The following TTC23L variants were observed in gnomAD, a reference collection of about 807,000 sequenced individuals.
The protein encoded by TTC23L is tetratricopeptide repeat domain 23 like, also known as tetratricopeptide repeat protein 23-like.
A neutral mutation model predicts 48.1 loss-of-function variants in TTC23L; 42 were observed. The ratio of observed to expected loss-of-function variants is 0.87; its 90% CI spans 0.68 to 1.13. The LOEUF is 1.13. TTC23L is among the 50% of genes most tolerant of loss of function. The pLI, the probability that TTC23L is intolerant of heterozygous loss-of-function variation, is 0.00. For synonymous variants in TTC23L, 159 were observed against 157.2 expected, an observed-to-expected ratio of 1.01 and a Z score of -0.09; for missense variants, 391 against 421.0, an observed-to-expected ratio of 0.93 and a Z score of 0.62.
the TTC23L span, among the ~76,000 whole-genome samples, chr5:34,923,964 G>C: frequency 6.6e-6 from 1 of 152,100 alleles, no homozygotes. Context: ...GAGATACTTG[G>C]GTTCCTAATT....
At chr5:34,915,981 C>T in the TTC23L span, 1 of 1,423,538 alleles carries the variant, frequency 7.0e-7, no homozygotes, top group Non-Finnish European at 9.3e-7. Context: ...TACAGCCTTG[C>T]TTAATTTCAG....
At chr5:34,845,293 T>A (rs1263114776) in intron 2 of TTC23L, among the ~76,000 whole-genome samples, 194 bp from the exon 3 acceptor site, 1 of 152,240 alleles carries the variant, frequency 6.6e-6, no homozygotes, top group Non-Finnish European at 1.5e-5. Context: ...ATCGGCTTCT[T>A]CTGAACTACC....
At position 34,863,763 on chromosome 5, in the gene TTC23L, A is replaced by T. The variant is rs1173801124; in HGVS notation, c.537-674A>T. ...GGGGATTCTGACAGCCTGTTGTACCATCTCCACTGGAAAGATGTTAAGGGC... is the reference window on the plus strand; with the variant it reads ...GGGGATTCTGACAGCCTGTTGTACCTTCTCCACTGGAAAGATGTTAAGGGC... On this transcript the variant is annotated intron_variant, in intron 5 of 10. Coordinates refer to ENST00000505624, the Ensembl canonical transcript of TTC23L. The surrounding 1 kb of genome is among the most constrained non-coding windows in gnomAD (Gnocchi z 4.1). Among the ~76,000 whole-genome samples, 1 of 152,182 alleles carries T rather than the reference A, an allele frequency of 6.6e-6. No homozygotes were observed. The highest frequency in any genetic ancestry group is 1.5e-5 in the Non-Finnish European group (1 of 68,032).
chr5:34,840,768 G>C (rs1191983148), intron 2 of TTC23L, 29 bp downstream of exon 2: 1 of 1,601,482 alleles, frequency 6.2e-7, no homozygotes, highest in Non-Finnish European at 8.6e-7. Flanking sequence ...TGACATCACA[G>C]GTACTTACTG....
At chr5:34,919,914 T>C in the TTC23L span, 1 of 873,618 alleles carries the variant, frequency 1.1e-6, no homozygotes, top group Non-Finnish European at 1.8e-6. Flanking sequence ...CAACAAAATA[T>C]TTTTAAAATG....
At chr5:34,852,581 C>T (rs187790475) in intron 4 of TTC23L, among the ~76,000 whole-genome samples, 5 of 152,094 alleles carry the variant, frequency 3.3e-5, no homozygotes, top group Admixed American at 2.6e-4. Context: ...TTGGGTATGG[C>T]AGTTGGAATG....
intron 9 of TTC23L, among the ~76,000 whole-genome samples, chr5:34,895,588 T>C (rs778850100): frequency 6.6e-6 from 1 of 152,178 alleles, no homozygotes; most frequent in Non-Finnish European, 1.5e-5. Flanking sequence ...AGAACCATCC[T>C]TTTCTCCTCA....
intron 4 of TTC23L, among the ~76,000 whole-genome samples, chr5:34,861,777 G>A (rs112035377): frequency 3.3e-5 from 5 of 152,322 alleles, no homozygotes; most frequent in South Asian, 2.1e-4. Context: ...TGAGGATTAG[G>A]GGCACAGTGG....
the TTC23L span, chr5:34,905,470 T>A: frequency 6.6e-6 from 1 of 152,178 alleles, no homozygotes; most frequent in Non-Finnish European, 1.5e-5. Flanking sequence ...TTAAAATGAC[T>A]GTGTTACATG....
chr5:34,870,316 A>G (rs963686116), intron 8 of TTC23L, among the ~76,000 whole-genome samples: 8 of 152,190 alleles, frequency 5.3e-5, no homozygotes, highest in Admixed American at 3.9e-4. Flanking sequence ...AAGACATACC[A>G]TAAAAGAAGA....
the TTC23L span, chr5:34,911,703 A>G: frequency 3.7e-6 from 6 of 1,614,180 alleles, no homozygotes; most frequent in Non-Finnish European, 1.7e-6. Context: ...GGGTCTCCTC[A>G]GGTTCCTGTG....
chr5:34,880,278 C>A lies in TTC23L; in HGVS notation c.1047C>A (p.Cys349Ter). The change falls in exon 9 of 11, where the codon TGC (cysteine) becomes TGA (stop). Residue 349 changes from cysteine to a stop codon, truncating the protein, a stop_gained. Transcript: ENST00000505624. LOFTEE classifies it high-confidence loss of function. The stretch of plus-strand genomic sequence containing the variant: ...CACTGAGCACCACTGAAGAATTTTG[C>A]AAATGGCTTGTCCAAAATGGAGAAA... 6.2e-7 allele frequency: 1 copy of A among 1,612,518 alleles called. No homozygotes were observed. Among genetic ancestry groups the A allele is most frequent in the Non-Finnish European group, 8.5e-7 (1 of 1,179,538 alleles).
At chr5:34,922,297 T>C in the TTC23L span, 4 of 1,509,492 alleles carry the variant, frequency 2.6e-6, no homozygotes, top group Non-Finnish European at 3.7e-6. Flanking sequence ...GGTAAGAGAA[T>C]GTATTAAGAT....
intron 9 of TTC23L, among the ~76,000 whole-genome samples, chr5:34,896,546 C>T (rs1763239924): frequency 6.6e-6 from 1 of 152,134 alleles, no homozygotes; most frequent in South Asian, 2.1e-4. Context: ...TGAGCACCTA[C>T]TAAGTGCCAG....
intron 9 of TTC23L, among the ~76,000 whole-genome samples, chr5:34,882,655 AC>A (rs1178349065): frequency 2.9e-5 from 4 of 138,076 alleles, no homozygotes; most frequent in African/African-American, 1.0e-4. Flanking sequence ...ACACACACAC[AC>A]ACAATATCTT....
At chr5:34,899,696 C>A (rs1258217293), downstream of TTC23L, among the ~76,000 whole-genome samples, 3 of 152,120 alleles carry the variant, frequency 2.0e-5, no homozygotes, top group African/African-American at 7.2e-5. Context: ...TGAGACCATC[C>A]TGGTCAACAC....
chr5:34,868,851 C>G (rs1761243940), intron 7 of TTC23L, 54 bp from the exon 8 acceptor site: 1 of 1,475,232 alleles, frequency 6.8e-7, no homozygotes, highest in East Asian at 2.4e-5. Flanking sequence ...CATCTAAATC[C>G]ACAGTGAACA....
intron 8 of TTC23L, among the ~76,000 whole-genome samples, chr5:34,874,922 T>A (rs1295483819): frequency 1.3e-5 from 2 of 152,008 alleles, no homozygotes; most frequent in Non-Finnish European, 2.9e-5. Context: ...ATTTTCAGAG[T>A]GATCAAAAAA....
the TTC23L span, among the ~76,000 whole-genome samples, chr5:34,923,653 C>G: frequency 6.6e-6 from 1 of 152,150 alleles, no homozygotes; most frequent in Non-Finnish European, 1.5e-5. Context: ...CAAATCATTC[C>G]TCCTCAGCAT....
Sources: gnomAD v4.1 joint callset for allele counts (sites outside exome capture counted in the v4.1 genomes callset) on GRCh38, gnomAD v4.1.1 for gene constraint, Gnocchi (gnomAD v3.1) non-coding constraint, MANE v1.5 for transcripts, NCBI Gene and HGNC (gene_info 2026-07-23, HGNC 2026-07-21) for gene names.